SEC31A: variants seen among roughly 807,000 people sequenced by gnomAD.
SEC31A encodes the protein SEC31 homolog A, COPII component, also known as protein transport protein Sec31A.
In SEC31A, 70 loss-of-function variants were observed where a neutral mutation model predicts 151.0. That is an observed-to-expected ratio of 0.46 (90% CI 0.38 to 0.57). The LOEUF (loss-of-function observed/expected upper bound fraction) is 0.57. SEC31A is among the 20% of genes least tolerant of loss of function. The pLI is 0.00. For missense variants in SEC31A, 1,330 were observed against 1,471.2 expected, an observed-to-expected ratio of 0.90 and a Z score of 1.57; for synonymous variants, 475 against 505.9, an observed-to-expected ratio of 0.94 and a Z score of 0.82.
At chr4:82,846,471 T>C (rs191276928) in intron 20 of SEC31A, among the ~76,000 whole-genome samples, 233 of 151,362 alleles carry the variant, frequency 1.5e-3, no homozygotes, top group African/African-American at 5.3e-3. Context: ...TTTTTTTCAA[T>C]AGAAGTTACA....
intron 20 of SEC31A, among the ~76,000 whole-genome samples, chr4:82,845,642 GA>G (rs1010534415): frequency 9.7e-5 from 14 of 144,674 alleles, no homozygotes; most frequent in South Asian, 2.2e-4. Context: ...GACATTCCAG[GA>G]AAAAAAAAAG....
At chr4:82,829,116 A>C (rs1330043597) in intron 22 of SEC31A, 58 bp from the exon 23 acceptor site, 1 of 1,403,810 alleles carries the variant, frequency 7.1e-7, no homozygotes, top group Non-Finnish European at 1.0e-6. Context: ...AAAAAATAAA[A>C]CTGAATCGAT....
At chr4:82,896,495 G>A (rs544297266) in intron 3 of SEC31A, among the ~76,000 whole-genome samples, 2 of 152,270 alleles carry the variant, frequency 1.3e-5, no homozygotes, top group Admixed American at 1.3e-4. Context: ...TGGGATTACA[G>A]GTGCGAGCCA....
At chr4:82,855,739 T>C (rs1732488290) in intron 16 of SEC31A, among the ~76,000 whole-genome samples, 1 of 151,938 alleles carries the variant, frequency 6.6e-6, no homozygotes, top group Admixed American at 6.6e-5. Context: ...AGCTAAATGA[T>C]GAGAACATGT....
At chr4:82,845,282 G>C in intron 20 of SEC31A, 1 of 1,522,420 alleles carries the variant, frequency 6.6e-7, no homozygotes, top group Non-Finnish European at 8.8e-7. Context: ...TGACAGTAGG[G>C]GCAATTCTAA....
chr4:82,856,101 A>G (rs891723885), intron 16 of SEC31A, among the ~76,000 whole-genome samples: 1 of 152,160 alleles, frequency 6.6e-6, no homozygotes, highest in Non-Finnish European at 1.5e-5. Context: ...ACATAACAAA[A>G]TAAGGGAAAC....
Position 82,864,523 on chromosome 4 carries a change from G to A in SEC31A, c.1273C>T (p.His425Tyr). Reference sequence around the variant, plus strand: ...ACAACCTGACTAATGAACACATGGTGCTGCTGCTGCTGCTGCTCAGCTCCC... The same window carrying A: ...ACAACCTGACTAATGAACACATGGTACTGCTGCTGCTGCTGCTCAGCTCCC... ...HQGAEQQQQQ[H>Y]HVFISQVVTE... The change falls in exon 11 of 27, where the codon CAC (histidine) becomes TAC (tyrosine). Residue 425 changes from histidine to tyrosine, a missense_variant. Transcript: ENST00000395310. 6.2e-7 allele frequency: 1 copy of A among 1,609,720 alleles called. No individual in the cohort carries two copies. Among genetic ancestry groups the A allele is most frequent in the East Asian group, 2.2e-5 (1 of 44,804 alleles).
At chr4:82,823,657 A>T (rs1384102457) in intron 25 of SEC31A, among the ~76,000 whole-genome samples, 1 of 152,252 alleles carries the variant, frequency 6.6e-6, no homozygotes, top group Non-Finnish European at 1.5e-5. Context: ...TTGTTGCAAT[A>T]CAGGGGTATC....
intron 20 of SEC31A, chr4:82,845,425 T>G (rs755116280): frequency 8.6e-6 from 4 of 464,492 alleles, no homozygotes; most frequent in African/African-American, 4.0e-5. Context: ...CATACATTAG[T>G]CAGGCAACTG....
At position 82,853,591 on chromosome 4, in the gene SEC31A, T is replaced by A. The variant is rs768063826; in HGVS notation, c.2133A>T (p.Gly711=). 1.9e-6 allele frequency: 3 copies of A among 1,582,302 alleles called. No individual in the cohort carries two copies. The East Asian group carries it at 7.0e-5, about 37-fold the overall frequency. Residue 711 remains glycine, a synonymous_variant, in exon 18 of 27, where the codon GGA becomes GGT. Coordinates refer to ENST00000395310, the MANE Select transcript of SEC31A (RefSeq NM_001077207.4). The part of the protein sequence containing the change: ...LVACWTKAQD[G]SHPLSLQDLI... Reference sequence around the variant, plus strand: ...CTACCTGAAGTGACAAAGGGTGGCTTCCATCTTGAGCTTTAGTCCAACATG... The same window carrying A: ...CTACCTGAAGTGACAAAGGGTGGCTACCATCTTGAGCTTTAGTCCAACATG...
At chr4:82,868,268 G>A (rs1735834977) in intron 8 of SEC31A, among the ~76,000 whole-genome samples, 1 of 152,086 alleles carries the variant, frequency 6.6e-6, no homozygotes, top group African/African-American at 2.4e-5. Context: ...GTAGGCTGAG[G>A]TGGGCAGAAT....
intron 24 of SEC31A, among the ~76,000 whole-genome samples, chr4:82,825,676 A>G (rs1256663679): frequency 6.6e-6 from 1 of 152,200 alleles, no homozygotes; most frequent in Non-Finnish European, 1.5e-5. Context: ...TACTGAGAAC[A>G]ATGGGAAGCT....
At chr4:82,876,214 G>C (rs909195990) in intron 4 of SEC31A, among the ~76,000 whole-genome samples, 1 of 150,648 alleles carries the variant, frequency 6.6e-6, no homozygotes, top group African/African-American at 2.4e-5. Context: ...GGGTCCAAGT[G>C]ATTCTCCTGC....
At chr4:82,876,779 C>G (rs924228525) in intron 4 of SEC31A, among the ~76,000 whole-genome samples, 1 of 152,130 alleles carries the variant, frequency 6.6e-6, no homozygotes, top group Non-Finnish European at 1.5e-5. Context: ...CCTTCATCCA[C>G]TACTATTTAC....
chr4:82,871,853 T>C, intron 7 of SEC31A, 91 bp downstream of exon 7: 4 of 1,522,486 alleles, frequency 2.6e-6, no homozygotes, highest in East Asian at 2.3e-5. Flanking sequence ...AAAAAGTTCC[T>C]GTGTCCTATG....
intron 25 of SEC31A, among the ~76,000 whole-genome samples, chr4:82,823,709 T>C (rs1723921656): frequency 1.3e-5 from 2 of 152,256 alleles, no homozygotes; most frequent in East Asian, 1.9e-4. Flanking sequence ...AATGTAAATA[T>C]GCCTCCGATA....
At position 82,824,689 on chromosome 4, in the gene SEC31A, C is replaced by T; in HGVS notation, c.3292-15G>A. On this transcript the variant is annotated splice_polypyrimidine_tract_variant and intron_variant, in intron 24 of 26. Transcript: ENST00000395310. Reference sequence around the variant, plus strand: ...GACTGCACATGCTGGAAGAAACACACCAAAAACTGATCAGAAATGACCAGA... The same window carrying T: ...GACTGCACATGCTGGAAGAAACACATCAAAAACTGATCAGAAATGACCAGA... 5 of 1,610,332 alleles carry T rather than the reference C, an allele frequency of 3.1e-6. No homozygotes were observed. Among genetic ancestry groups the T allele is most frequent in the Non-Finnish European group, 4.2e-6 (5 of 1,178,936 alleles).
At chr4:82,837,196 T>TAC (rs1560595545) in intron 22 of SEC31A, among the ~76,000 whole-genome samples, 6 of 61,562 alleles carry the variant, frequency 9.7e-5, no homozygotes, top group Admixed American at 2.5e-4. Flanking sequence ...TATATATATA[T>TAC]ATAATTTCAC....
intron 26 of SEC31A, among the ~76,000 whole-genome samples, chr4:82,819,786 G>A (rs1186658672): frequency 1.3e-5 from 2 of 151,334 alleles, no homozygotes; most frequent in Non-Finnish European, 2.9e-5. Flanking sequence ...TTTTGAGATG[G>A]AGTCTCACTC....
Sources: gnomAD v4.1 joint callset for allele counts (sites outside exome capture counted in the v4.1 genomes callset) on GRCh38, gnomAD v4.1.1 for gene constraint, MANE v1.5 for transcripts, NCBI Gene and HGNC (gene_info 2026-07-23, HGNC 2026-07-21) for gene names.